Variants in NAV3 observed in about 807,000 individuals in gnomAD.
NAV3 encodes pore membrane and/or filament interacting like protein 1.
A neutral mutation model predicts 244.7 loss-of-function variants in NAV3; 87 were observed. The ratio of observed to expected loss-of-function variants is 0.36; its 90% CI spans 0.30 to 0.42. The LOEUF (loss-of-function observed/expected upper bound fraction) is 0.42. Ranked by LOEUF, NAV3 falls within the 20% of genes least tolerant of loss-of-function variation. NAV3 has a pLI of 1.00. For missense variants in NAV3, 2,663 were observed against 2,893.3 expected (o/e 0.92, Z 1.83); for synonymous variants, 1,126 against 1,042.2 (o/e 1.08, Z -1.55).
chr12:78,168,718 C>T (rs762922746), intron 23 of NAV3, 37 bp from the exon 24 acceptor site: 30 of 1,357,172 alleles, frequency 2.2e-5, no homozygotes, highest in Middle Eastern at 3.6e-4. Context: ...ATTTTTCTTT[C>T]GGGTACTAAA....
At chr12:77,808,090 G>C (rs1299241600) in intron 2 of NAV3, among the ~76,000 whole-genome samples, 1 of 152,018 alleles carries the variant, frequency 6.6e-6, no homozygotes, top group Non-Finnish European at 1.5e-5. Context: ...CTTTTTGCAA[G>C]GTTCTTAGCT....
chr12:77,607,203 T>C (rs1565734507), intron 2 of NAV3, among the ~76,000 whole-genome samples: 2 of 152,124 alleles, frequency 1.3e-5, no homozygotes, highest in Non-Finnish European at 2.9e-5. Flanking sequence ...GTAATAACAC[T>C]GGCTGTGTAC....
At chr12:77,767,343 G>T (rs1395373510) in intron 2 of NAV3, among the ~76,000 whole-genome samples, 4 of 152,154 alleles carry the variant, frequency 2.6e-5, no homozygotes, top group Non-Finnish European at 5.9e-5. Flanking sequence ...CGCTTTTCCA[G>T]CTGGAAACCT....
intron 22 of NAV3, among the ~76,000 whole-genome samples, chr12:78,157,884 A>G (rs1957372696): frequency 2.0e-5 from 3 of 152,066 alleles, no homozygotes; most frequent in African/African-American, 7.2e-5. Flanking sequence ...AATCTTTAGT[A>G]GATGTATTCC....
At chr12:77,941,260 C>T in intron 3 of NAV3, 127 bp downstream of exon 3, 1 of 637,960 alleles carries the variant, frequency 1.6e-6, no homozygotes, top group Non-Finnish European at 2.7e-6. Context: ...ATCCCATTCT[C>T]TCATATGTAT....
intron 12 of NAV3, among the ~76,000 whole-genome samples, chr12:78,089,836 C>T (rs1953829734): frequency 6.6e-6 from 1 of 152,152 alleles, no homozygotes; most frequent in Non-Finnish European, 1.5e-5. Flanking sequence ...ATCTATCCAA[C>T]TTCATCTTCC....
chr12:77,863,473 TA>T (rs1419469868), intron 1 of NAV3, among the ~76,000 whole-genome samples: 1 of 151,852 alleles, frequency 6.6e-6, no homozygotes, highest in African/African-American at 2.4e-5. Flanking sequence ...TTTCAGCTAT[TA>T]TTTCCTATAA....
chr12:78,201,902 C>T (rs1037384693), intron 38 of NAV3, among the ~76,000 whole-genome samples: 1 of 151,850 alleles, frequency 6.6e-6, no homozygotes, highest in Non-Finnish European at 1.5e-5. Context: ...TACTGTCAGG[C>T]TCTCTTTATC....
At chr12:78,092,166 G>A (rs1241066475) in intron 12 of NAV3, among the ~76,000 whole-genome samples, 2 of 152,056 alleles carry the variant, frequency 1.3e-5, no homozygotes, top group Admixed American at 1.3e-4. Context: ...CAAATTCAGG[G>A]TTACTTTAAC....
In NAV3 at chr12:78,050,828, T is replaced by C. The variant is rs1392885431; in HGVS notation, c.2197T>C (p.Leu733=). 1 of 1,613,832 alleles carries C rather than the reference T, an allele frequency of 6.2e-7. No homozygotes were observed. ...TEVNGRTIPN[L]TSRPTPMTWR... ...AGTTAATGGAAGGACCATACCCAACTTGACAAGTCGACCCACCCCCATGAC... is the reference window on the plus strand; with the variant it reads ...AGTTAATGGAAGGACCATACCCAACCTGACAAGTCGACCCACCCCCATGAC... The change falls in exon 11 of 40, where the codon TTG becomes CTG. Residue 733 remains leucine (L), a synonymous_variant. Coordinates refer to ENST00000397909, the MANE Select transcript of NAV3 (RefSeq NM_001024383.2).
chr12:77,594,316 GA>G (rs890742154), intron 2 of NAV3, among the ~76,000 whole-genome samples: 1,484 of 146,112 alleles, frequency 0.01, 24 homozygotes, highest in African/African-American at 0.035. Context: ...ATCTGTGCTA[GA>G]AAAAAAAAAA....
chr12:78,200,837 T>C (rs1052219452), intron 38 of NAV3, among the ~76,000 whole-genome samples: 6 of 151,968 alleles, frequency 3.9e-5, no homozygotes, highest in Admixed American at 1.3e-4. Flanking sequence ...CAAATGGTTG[T>C]CATGGATGTT....
chr12:77,872,225 G>T (rs1226759467), intron 1 of NAV3, among the ~76,000 whole-genome samples: 1 of 151,856 alleles, frequency 6.6e-6, no homozygotes. Context: ...TGGTATTCTT[G>T]TATACTATAT....
chr12:78,022,317 A>C (rs1457936970), intron 9 of NAV3, among the ~76,000 whole-genome samples: 1 of 152,164 alleles, frequency 6.6e-6, no homozygotes, highest in African/African-American at 2.4e-5. Flanking sequence ...TGTAAGAAAA[A>C]AAATACATAT....
intron 5 of NAV3, 85 bp downstream of exon 5, chr12:77,968,787 A>G (rs1477378810): frequency 3.8e-5 from 49 of 1,292,302 alleles, no homozygotes; most frequent in Non-Finnish European, 4.7e-5. Context: ...CATGAGTTTG[A>G]AAAACGTACT....
intron 1 of NAV3, among the ~76,000 whole-genome samples, chr12:77,882,312 A>G (rs1465314361): frequency 1.3e-5 from 2 of 152,186 alleles, no homozygotes; most frequent in Non-Finnish European, 2.9e-5. Flanking sequence ...CAAGGCTGAC[A>G]AAAACAAGCA....
At chr12:77,941,179 C>A in intron 3 of NAV3, 46 bp downstream of exon 3, 2 of 1,149,116 alleles carry the variant, frequency 1.7e-6, no homozygotes, top group Non-Finnish European at 2.5e-6. Flanking sequence ...ATCTTCACTT[C>A]CAGAATTAAT....
intron 2 of NAV3, among the ~76,000 whole-genome samples, chr12:77,768,316 C>T (rs576290559): frequency 1.3e-5 from 2 of 152,312 alleles, no homozygotes; most frequent in South Asian, 4.1e-4. Flanking sequence ...TGGGGTTTCA[C>T]CAGGCACCTG....
chr12:77,711,660 G>T (rs1876118941), intron 2 of NAV3, among the ~76,000 whole-genome samples: 1 of 152,218 alleles, frequency 6.6e-6, no homozygotes, highest in Non-Finnish European at 1.5e-5. Flanking sequence ...GCAAGATTAG[G>T]CAGGGTGTCT....
Sources: allele counts gnomAD v4.1 joint callset (sites outside exome capture counted in the v4.1 genomes callset), GRCh38; gene constraint gnomAD v4.1.1; transcripts MANE v1.5; gene names NCBI Gene and HGNC (gene_info 2026-07-23, HGNC 2026-07-21).